UROS: variants seen among roughly 807,000 people sequenced by gnomAD.
UROS encodes uroporphyrinogen III synthase, also known as uroporphyrinogen-III synthase.
Under a neutral mutation model 33.0 loss-of-function variants are expected in UROS, and 18 were observed. That is an observed-to-expected ratio of 0.55 (90% CI 0.38 to 0.81). UROS has a LOEUF of 0.81. UROS is among the 30% of genes least tolerant of loss of function. The pLI, the probability that UROS is intolerant of heterozygous loss-of-function variation, is 0.00. For missense variants in UROS, 293 were observed against 314.9 expected, an observed-to-expected ratio of 0.93 and a Z score of 0.53; for synonymous variants, 114 against 121.1, an observed-to-expected ratio of 0.94 and a Z score of 0.38.
chr10:125,798,227 G>C (rs1851528244), intron 6 of UROS, 82 bp from the exon 7 acceptor site: 4 of 1,429,850 alleles, frequency 2.8e-6, no homozygotes, highest in South Asian at 1.2e-5. Flanking sequence ...GCTTTGGGAA[G>C]GGGGAAGCAG....
chr10:125,795,218 T>C, intron 8 of UROS: 1 of 553,444 alleles, frequency 1.8e-6, no homozygotes, highest in Non-Finnish European at 3.3e-6. Flanking sequence ...TGTGTCTGCC[T>C]GGCCAGAGGA....
intron 1 of UROS, among the ~76,000 whole-genome samples, chr10:125,816,977 A>G (rs2133952525): frequency 6.6e-6 from 1 of 152,376 alleles, no homozygotes; most frequent in East Asian, 1.9e-4. Flanking sequence ...GATGTTTTCT[A>G]AACGTCAAGT....
rs1189188886 is a variant in UROS, at chr10:125,796,177, C to A, written c.487G>T (p.Glu163Ter). ...KALKDKGIAM[E>*]SITVYQTVAH... ...ACTGTCTGATACACAGTTATGCTTTCCATGGCAATCCCTGGGCACAATCAA... is the reference window on the plus strand; with the variant it reads ...ACTGTCTGATACACAGTTATGCTTTACATGGCAATCCCTGGGCACAATCAA... The change falls in exon 8 of 10, where the codon GAA (glutamate) becomes TAA (stop). Residue 163 changes from glutamate (E) to a stop codon, truncating the protein, a stop_gained. Coordinates refer to ENST00000368797, the MANE Select transcript of UROS (RefSeq NM_000375.3). LOFTEE classifies it high-confidence loss of function. 6.2e-7 allele frequency: 1 copy of A among 1,614,070 alleles called. No individual in the cohort carries two copies. The highest frequency in any genetic ancestry group is 1.7e-5 in the Admixed American group (1 of 59,996).
At chr10:125,795,994 G>A in intron 8 of UROS, 109 bp downstream of exon 8, 1 of 948,196 alleles carries the variant, frequency 1.1e-6, no homozygotes, top group Non-Finnish European at 1.7e-6. Flanking sequence ...TGACAGCTGG[G>A]GACAGTGAAA....
At chr10:125,797,174 G>C (rs1276901403) in intron 7 of UROS, among the ~76,000 whole-genome samples, 2 of 152,134 alleles carry the variant, frequency 1.3e-5, no homozygotes, top group Non-Finnish European at 2.9e-5. Context: ...TAATACGGGG[G>C]GAAAGTTACA....
intron 6 of UROS, among the ~76,000 whole-genome samples, chr10:125,800,721 C>T (rs531067900): frequency 6.6e-6 from 1 of 152,094 alleles, no homozygotes; most frequent in Non-Finnish European, 1.5e-5. Flanking sequence ...CCACCAAGCC[C>T]AGGTAATTTT....
Position 125,811,380 on chromosome 10 carries a change from G to A in UROS, c.319+834C>T, listed in dbSNP as rs183713852. ...AGCAAATTCTTAACTTATTTTTGGA[G>A]AGAGATGTGCGGGAGGGAAGATGGT... On this transcript the variant is annotated intron_variant, in intron 5 of 9. Transcript: ENST00000368797. Among the ~76,000 whole-genome samples the A allele has an allele frequency of 1.5e-4, 23 of 152,292 alleles. No homozygotes were observed. In the East Asian group the frequency reaches 4.2e-3, roughly 28 times the overall value.
downstream of UROS, among the ~76,000 whole-genome samples, chr10:125,786,111 C>G (rs1279190006): frequency 1.3e-5 from 2 of 152,098 alleles, no homozygotes; most frequent in African/African-American, 4.8e-5. Context: ...GGCTTCCACC[C>G]GGCTTCCCAC....
At chr10:125,814,941 T>C in intron 4 of UROS, 93 bp downstream of exon 4, 1 of 1,379,718 alleles carries the variant, frequency 7.2e-7, no homozygotes, top group Non-Finnish European at 1.0e-6. Flanking sequence ...TCACTTCTCT[T>C]AGAAGTGCAG....
At chr10:125,805,827 C>A (rs911488482) in intron 6 of UROS, among the ~76,000 whole-genome samples, 11 of 152,048 alleles carry the variant, frequency 7.2e-5, no homozygotes, top group African/African-American at 2.7e-4. Context: ...AAATGCTAGT[C>A]TTCAACGTTA....
chr10:125,796,014 GAACC>G, intron 8 of UROS, 85 bp downstream of exon 8: 1 of 1,176,624 alleles, frequency 8.5e-7, no homozygotes, highest in Non-Finnish European at 1.3e-6. Flanking sequence ...ACCACATATA[GAACC>G]AACATCTATC....
intron 8 of UROS, 23 bp from the exon 9 acceptor site, chr10:125,795,001 T>C (rs775369340): frequency 3.5e-5 from 56 of 1,596,916 alleles, no homozygotes; most frequent in Non-Finnish European, 3.9e-5. Flanking sequence ...GAAAACAAGA[T>C]CAGTCCTTGC....
intron 6 of UROS, among the ~76,000 whole-genome samples, chr10:125,803,981 G>A (rs754371583): frequency 2.0e-5 from 3 of 152,244 alleles, no homozygotes; most frequent in African/African-American, 4.8e-5. Context: ...TGTGATACAA[G>A]AGGAAATATT....
chr10:125,803,595 T>G (rs776519705), intron 6 of UROS, among the ~76,000 whole-genome samples: 6 of 152,204 alleles, frequency 3.9e-5, no homozygotes, highest in African/African-American at 7.2e-5. Flanking sequence ...TTGGGCCCAA[T>G]CCTGGCTGTA....
At chr10:125,800,942 G>C (rs1325365443) in intron 6 of UROS, among the ~76,000 whole-genome samples, 2 of 152,038 alleles carry the variant, frequency 1.3e-5, no homozygotes, top group Admixed American at 6.6e-5. Context: ...AATTTTTCCT[G>C]GTCATGAGAC....
chr10:125,806,787 G>A (rs1852375139), intron 6 of UROS, among the ~76,000 whole-genome samples: 1 of 152,198 alleles, frequency 6.6e-6, no homozygotes, highest in African/African-American at 2.4e-5. Context: ...TCAGGGAACA[G>A]AGAGGAAGGG....
At chr10:125,798,326 G>C (rs777806799) in intron 6 of UROS, among the ~76,000 whole-genome samples, 181 bp from the exon 7 acceptor site, 1 of 152,174 alleles carries the variant, frequency 6.6e-6, no homozygotes, top group Non-Finnish European at 1.5e-5. Context: ...CGAACTTGAA[G>C]GGTTGTTATA....
chr10:125,806,104 T>C (rs1852308297), intron 6 of UROS, among the ~76,000 whole-genome samples: 1 of 152,094 alleles, frequency 6.6e-6, no homozygotes, highest in South Asian at 2.1e-4. Context: ...AAGAAAAATA[T>C]AAGCTAGAGA....
At chr10:125,800,147 G>C (rs553050331) in intron 6 of UROS, among the ~76,000 whole-genome samples, 1 of 152,290 alleles carries the variant, frequency 6.6e-6, no homozygotes, top group South Asian at 2.1e-4. Context: ...TTAAGAAAAT[G>C]ATGATACAAG....
Sources: allele counts gnomAD v4.1 joint callset (sites outside exome capture counted in the v4.1 genomes callset), GRCh38; gene constraint gnomAD v4.1.1; transcripts MANE v1.5; gene names NCBI Gene and HGNC (gene_info 2026-07-23, HGNC 2026-07-21).